The following SMIM27 variants were observed in gnomAD, a reference collection of about 807,000 sequenced individuals.
SMIM27 encodes TOPORS antisense RNA 1 (non-protein coding).
In SMIM27, 3 loss-of-function variants were observed where a neutral mutation model predicts 1.8. That is an observed-to-expected ratio of 1.65 (90% CI 0.75 to 4.28). The LOEUF (loss-of-function observed/expected upper bound fraction) is 4.28, where lower values mean the gene tolerates loss of function less well. SMIM27 is among the 30% of genes most tolerant of loss of function. SMIM27 has a pLI of 0.02. For missense variants in SMIM27, 63 were observed against 37.0 expected, an observed-to-expected ratio of 1.70 and a Z score of -1.83; for synonymous variants, 19 against 13.9, an observed-to-expected ratio of 1.37 and a Z score of -0.82.
At chr9:32,556,452 G>C (rs982446204), downstream of SMIM27, among the ~76,000 whole-genome samples, 1 of 152,234 alleles carries the variant, frequency 6.6e-6, no homozygotes, top group Admixed American at 6.5e-5. Context: ...ACAGTAGTCT[G>C]TGATGTCAAC....
chr9:32,553,579 A>G (rs1244667685), downstream of SMIM27: 1 of 303,094 alleles, frequency 3.3e-6, no homozygotes, highest in East Asian at 8.7e-5. Context: ...CTGATACCAA[A>G]TTAGTGTAAG....
chr9:32,552,321 G>C, upstream of SMIM27: 2 of 1,461,356 alleles, frequency 1.4e-6, no homozygotes, highest in South Asian at 1.2e-5. Context: ...GAGTGGGCGG[G>C]CGCTCGTGCC....
At chr9:32,559,846 C>CA (rs1377735524) in intron 1 of SMIM27, among the ~76,000 whole-genome samples, 2 of 152,308 alleles carry the variant, frequency 1.3e-5, no homozygotes, top group Admixed American at 6.5e-5. Flanking sequence ...GGGAGGGACT[C>CA]AATCTGCTCT....
chr9:32,561,072 G>A (rs1328548321), intron 1 of SMIM27, among the ~76,000 whole-genome samples: 1 of 152,098 alleles, frequency 6.6e-6, no homozygotes, highest in Non-Finnish European at 1.5e-5. Context: ...GCCTTTTTAT[G>A]AACATAAACT....
chr9:32,559,949 T>C (rs1821581268), intron 1 of SMIM27, among the ~76,000 whole-genome samples: 1 of 152,190 alleles, frequency 6.6e-6, no homozygotes. Flanking sequence ...TTTATGCATA[T>C]ACATCTGCAC....
chr9:32,558,604 C>T (rs1821538630), intron 1 of SMIM27, among the ~76,000 whole-genome samples: 1 of 152,180 alleles, frequency 6.6e-6, no homozygotes, highest in African/African-American at 2.4e-5. Context: ...CAACATGAAA[C>T]AGGACACAGT....
rs1052039498 is a variant in SMIM27, at chr9:32,562,945, T to C, written c.46-3446T>C. On this transcript the variant is annotated intron_variant, in intron 1 of 1. Coordinates refer to the SMIM27 transcript ENST00000451672. ...ATTGCATTTAGTTGGCATATCTCTT[T>C]ATTCTTCCTCAATCTGGAACAATCT... 2.0e-5 allele frequency among the ~76,000 whole-genome samples: 3 copies of C among 152,252 alleles called. No homozygotes were observed. In the South Asian group the frequency reaches 6.2e-4, roughly 31 times the overall value.
chr9:32,563,684 A>G (rs1045472093), intron 1 of SMIM27, among the ~76,000 whole-genome samples: 3 of 152,104 alleles, frequency 2.0e-5, no homozygotes, highest in African/African-American at 7.2e-5. Flanking sequence ...TGATTCTCAA[A>G]TGGTAATTTT....
chr9:32,553,911 GAATT>G, downstream of SMIM27: 1 of 1,598,884 alleles, frequency 6.3e-7, no homozygotes, highest in South Asian at 1.1e-5. Context: ...TTCATTGGTG[GAATT>G]ACTTCTCCAG....
At chr9:32,551,754 G>A (rs1393870589), upstream of SMIM27, 1 of 442,054 alleles carries the variant, frequency 2.3e-6, no homozygotes, top group Middle Eastern at 3.3e-4. Context: ...GGCAGTTCAA[G>A]AACATCAGAC....
chr9:32,551,462 C>T (rs1289911869), upstream of SMIM27: 2 of 271,842 alleles, frequency 7.4e-6, no homozygotes, highest in Non-Finnish European at 7.4e-6. Context: ...AGAGGGATCC[C>T]CTCCAGGCTG....
In SMIM27 at chr9:32,552,380, A is replaced by G; in HGVS notation, c.-55A>G. On this transcript the variant is annotated 5_prime_UTR_variant, in exon 1 of 2. Coordinates refer to ENST00000692500, the MANE Select transcript of SMIM27 (RefSeq NM_001387564.1). ...CCTGGCAGCCACCGCCTGGGAGGTTACTGTAAGGCCCGCAGCTCCCGCCAG... is the reference window on the plus strand; with the variant it reads ...CCTGGCAGCCACCGCCTGGGAGGTTGCTGTAAGGCCCGCAGCTCCCGCCAG... 6.2e-7 allele frequency: 1 copy of G among 1,603,482 alleles called. No homozygotes were observed. Among genetic ancestry groups the G allele is most frequent in the Non-Finnish European group, 8.5e-7 (1 of 1,175,408 alleles).
At chr9:32,562,182 T>C (rs898255744) in intron 1 of SMIM27, among the ~76,000 whole-genome samples, 1 of 152,222 alleles carries the variant, frequency 6.6e-6, no homozygotes, top group African/African-American at 2.4e-5. Context: ...ATTAACTTTT[T>C]TCCTCCGTAC....
rs376109737 is a variant in SMIM27, at chr9:32,552,386, A to G, written c.-49A>G. On this transcript the variant is annotated 5_prime_UTR_variant, in exon 1 of 2. The change abolishes the stop of an existing upstream ORF in the 5' untranslated region. Coordinates refer to ENST00000692500, the MANE Select transcript of SMIM27 (RefSeq NM_001387564.1). ...AGCCACCGCCTGGGAGGTTACTGTA[A>G]GGCCCGCAGCTCCCGCCAGCTCCCG... 1,220 of 1,605,702 alleles carry G rather than the reference A, an allele frequency of 7.6e-4. No individual in the cohort carries two copies. Among genetic ancestry groups the G allele is most frequent in the Non-Finnish European group, 8.0e-4 (937 of 1,176,682 alleles).
downstream of SMIM27, among the ~76,000 whole-genome samples, chr9:32,557,878 G>C (rs1419940868): frequency 6.6e-6 from 1 of 152,138 alleles, no homozygotes; most frequent in East Asian, 1.9e-4. Flanking sequence ...AATCATTACT[G>C]TGACTAAGTC....
intron 1 of SMIM27, among the ~76,000 whole-genome samples, chr9:32,564,464 T>C (rs932297349): frequency 1.3e-4 from 20 of 152,160 alleles, no homozygotes; most frequent in African/African-American, 4.6e-4. Context: ...AAAATCTTTA[T>C]TGCTTCTGCT....
chr9:32,552,168 A>G (rs1821288745), upstream of SMIM27: 1 of 508,814 alleles, frequency 2.0e-6, no homozygotes, highest in Non-Finnish European at 3.4e-6. Flanking sequence ...CTATCTCCTT[A>G]GTTGGCAAAA....
chr9:32,553,888 ATCAGGAAAT>A (rs1821376605), downstream of SMIM27: 1 of 1,589,600 alleles, frequency 6.3e-7, no homozygotes, highest in African/African-American at 1.3e-5. Context: ...AATGATGTTG[ATCAGGAAAT>A]TCTTTCATTG....
At position 32,563,861 on chromosome 9, in the gene SMIM27, G is replaced by C. The variant is rs142494013; in HGVS notation, c.46-2530G>C. 2.4e-3 allele frequency among the ~76,000 whole-genome samples: 359 copies of C among 152,224 alleles called. 6 individuals are homozygous for C. Among genetic ancestry groups the C allele is most frequent in the African/African-American group, 7.8e-3 (325 of 41,508 alleles). Reference sequence around the variant, plus strand: ...TTTGAAGTTCAAACTGCCCAGGCAGGAGTCCTTGCAAGCTGACTCTGTGTC... The same window carrying C: ...TTTGAAGTTCAAACTGCCCAGGCAGCAGTCCTTGCAAGCTGACTCTGTGTC... On this transcript the variant is annotated intron_variant, in intron 1 of 1. Coordinates refer to the SMIM27 transcript ENST00000451672.
Sources: gnomAD v4.1 joint callset for allele counts (sites outside exome capture counted in the v4.1 genomes callset) on GRCh38, gnomAD v4.1.1 for gene constraint, MANE v1.5 for transcripts, NCBI Gene and HGNC (gene_info 2026-07-23, HGNC 2026-07-21) for gene names.